Variants in ZNHIT3 observed in about 807,000 individuals in gnomAD.
ZNHIT3 encodes the protein zinc finger HIT domain-containing protein 3.
A neutral mutation model predicts 19.9 loss-of-function variants in ZNHIT3; 27 were observed. The ratio of observed to expected loss-of-function variants is 1.36; its 90% confidence interval spans 1.00 to 1.87. The LOEUF (loss-of-function observed/expected upper bound fraction) is 1.87, where lower values mean the gene tolerates loss of function less well. Ranked by LOEUF, ZNHIT3 falls within the 40% of genes most tolerant of loss-of-function variation. The pLI is 0.00. For synonymous variants in ZNHIT3, 81 were observed against 65.7 expected (o/e 1.23, Z -1.13); for missense variants, 215 against 185.6 (o/e 1.16, Z -0.92).
chr17:36,491,533 C>T (rs1386719441), intron 2 of ZNHIT3: 1 of 152,174 alleles, frequency 6.6e-6, no homozygotes, highest in East Asian at 1.9e-4. Flanking sequence ...TCTTGGACTC[C>T]TGGGCTTAAG....
At chr17:36,498,675 G>A (rs1028097101), downstream of ZNHIT3, 26 of 1,251,418 alleles carry the variant, frequency 2.1e-5, no homozygotes, top group Non-Finnish European at 2.5e-5. Context: ...AAGGCACCTG[G>A]TTGCAAACAG....
At chr17:36,499,216 C>T (rs1332723429), downstream of ZNHIT3, 1 of 1,333,460 alleles carries the variant, frequency 7.5e-7, no homozygotes, top group Non-Finnish European at 1.1e-6. Context: ...TTAGAGCTGT[C>T]AGTGACCTCG....
intron 2 of ZNHIT3, chr17:36,491,599 GCCCAGCTTCT>G (rs2070727525): frequency 6.6e-6 from 1 of 152,282 alleles, no homozygotes; most frequent in Non-Finnish European, 1.5e-5. Flanking sequence ...GAGCCACTGT[GCCCAGCTTCT>G]CCTTCCTTTT....
downstream of ZNHIT3, chr17:36,498,971 C>T (rs373816669): frequency 1.7e-4 from 158 of 934,140 alleles, 2 homozygotes; most frequent in East Asian, 3.1e-3. Flanking sequence ...ACAACCTGCC[C>T]AAGGCCACCT....
intron 2 of ZNHIT3, among the ~76,000 whole-genome samples, chr17:36,488,787 A>G (rs2070653460): frequency 6.6e-6 from 1 of 152,248 alleles, no homozygotes; most frequent in Non-Finnish European, 1.5e-5. Context: ...TAGGGTAATT[A>G]GCATATTCGC....
downstream of ZNHIT3, chr17:36,496,132 A>G (rs1045677195): frequency 2.9e-6 from 4 of 1,361,294 alleles, no homozygotes; most frequent in Admixed American, 3.8e-5. Flanking sequence ...TGGAGCCGTC[A>G]CTGTTGTTCA....
downstream of ZNHIT3, chr17:36,499,298 A>C (rs2071289888): frequency 1.2e-5 from 7 of 574,442 alleles, no homozygotes; most frequent in South Asian, 1.4e-4. Flanking sequence ...GCTACAAATA[A>C]GGTTCTAAAA....
chr17:36,493,099 G>C, intron 3 of ZNHIT3, 200 bp downstream of exon 3: 1 of 607,304 alleles, frequency 1.6e-6, no homozygotes. Context: ...CAGTATTCAG[G>C]AGAAGAAAAA....
chr17:36,491,750 G>A (rs1400042274), intron 2 of ZNHIT3: 2 of 151,970 alleles, frequency 1.3e-5, no homozygotes, highest in African/African-American at 2.4e-5. Flanking sequence ...GAGCACCTTA[G>A]ACACAAATGT....
chr17:36,497,036 T>C (rs908684801), downstream of ZNHIT3, among the ~76,000 whole-genome samples: 6 of 151,980 alleles, frequency 3.9e-5, no homozygotes, highest in African/African-American at 1.5e-4. Context: ...CCCTGGATGC[T>C]TATATAAAAA....
At chr17:36,494,648 TGA>T (rs750092712) in intron 4 of ZNHIT3, among the ~76,000 whole-genome samples, 25 of 152,238 alleles carry the variant, frequency 1.6e-4, no homozygotes, top group Admixed American at 6.5e-4. Context: ...TTAGTTAGAC[TGA>T]GTTTGGAGAT....
downstream of ZNHIT3, chr17:36,496,101 A>C (rs1312300664): frequency 8.2e-6 from 9 of 1,097,086 alleles, no homozygotes; most frequent in Admixed American, 2.3e-5. Flanking sequence ...CGCACTGGGC[A>C]CGGGGCTCTG....
intron 2 of ZNHIT3, 103 bp downstream of exon 2, chr17:36,487,069 C>T: frequency 2.7e-6 from 4 of 1,485,626 alleles, no homozygotes; most frequent in East Asian, 2.4e-5. Context: ...GCTTCCTTTC[C>T]CGCCTCGGGT....
rs766104988 is a variant in ZNHIT3, at chr17:36,486,715, T to G, written c.16T>G (p.Cys6Gly). Residue 6 changes from cysteine (C) to glycine (G), a missense_variant, in exon 1 of 5, where the codon TGT (cysteine) becomes GGT (glycine). Transcript: ENST00000617429. Reference protein sequence around the residue: MASLKCSTVVCVICLE... With the variant: MASLKGSTVVCVICLE... ...CCACAAAACCATGGCGTCGCTCAAA[T>G]GTAGCACCGTCGTCTGCGTGATCTG... 6.2e-7 allele frequency: 1 copy of G among 1,613,726 alleles called. No homozygotes were observed. Among genetic ancestry groups the G allele is most frequent in the Non-Finnish European group, 8.5e-7 (1 of 1,179,898 alleles).
intron 4 of ZNHIT3, among the ~76,000 whole-genome samples, chr17:36,494,921 A>G (rs184418890): frequency 2.2e-4 from 33 of 152,324 alleles, no homozygotes; most frequent in African/African-American, 7.2e-4. Context: ...CGAAGTTACA[A>G]TATTTACAAA....
At chr17:36,495,975 A>G, downstream of ZNHIT3, 2 of 858,516 alleles carry the variant, frequency 2.3e-6, no homozygotes, top group Non-Finnish European at 3.2e-6. Context: ...ACTGCTGCTG[A>G]GTTTGATCTG....
chr17:36,494,134 A>C, intron 4 of ZNHIT3, 128 bp downstream of exon 4: 1 of 671,990 alleles, frequency 1.5e-6, no homozygotes, highest in South Asian at 1.9e-5. Flanking sequence ...CTAGCCACAT[A>C]ATCTGTAAAC....
chr17:36,498,035 AATAATT>A, downstream of ZNHIT3: 1 of 525,306 alleles, frequency 1.9e-6, no homozygotes, highest in South Asian at 3.4e-5. Context: ...GAGATGCTGA[AATAATT>A]AGAAGCAGTT....
chr17:36,497,176 A>C (rs1290910651), downstream of ZNHIT3, among the ~76,000 whole-genome samples: 3 of 55,754 alleles, frequency 5.4e-5, no homozygotes, highest in Non-Finnish European at 4.9e-5. Flanking sequence ...TTAAAAATAC[A>C]AAAAAAAAAA....
Sources: gnomAD v4.1 joint callset for allele counts (sites outside exome capture counted in the v4.1 genomes callset) on GRCh38, gnomAD v4.1.1 for gene constraint, MANE v1.5 for transcripts, NCBI Gene and HGNC (gene_info 2026-07-23, HGNC 2026-07-21) for gene names.